The following CMYA5 variants were observed in gnomAD, a reference collection of about 807,000 sequenced individuals.
The protein encoded by CMYA5 is cardiomyopathy associated 5, also known as cardiomyopathy-associated protein 5.
Under a neutral mutation model 318.9 loss-of-function variants are expected in CMYA5, and 246 were observed. The ratio of observed to expected loss-of-function variants is 0.77; its 90% CI spans 0.70 to 0.86. The LOEUF (loss-of-function observed/expected upper bound fraction) is 0.86, where lower values mean the gene tolerates loss of function less well. CMYA5 is among the 40% of genes least tolerant of loss of function. The pLI, the probability that CMYA5 is intolerant of heterozygous loss-of-function variation, is 0.00. For missense variants in CMYA5, 4,589 were observed against 4,678.2 expected, an observed-to-expected ratio of 0.98 and a Z score of 0.56; for synonymous variants, 1,641 against 1,729.5, an observed-to-expected ratio of 0.95 and a Z score of 1.27.
rs755050712 is a variant in CMYA5 at position 79,738,343 on chromosome 5, A to G, written c.9578A>G (p.Tyr3193Cys). 6 of 1,613,666 alleles carry G rather than the reference A, an allele frequency of 3.7e-6. No individual in the cohort carries two copies. Among genetic ancestry groups the G allele is most frequent in the Non-Finnish European group, 5.1e-6 (6 of 1,179,826 alleles). The change falls in exon 2 of 13, where the codon TAT becomes TGT. Residue 3193 changes from tyrosine (Y) to cysteine (C), a missense_variant. Around this residue, in one of 3 missense-constraint regions of CMYA5, gnomAD observed 2,431 missense variants for 2,495.1 expected, o/e 0.97. Transcript: ENST00000446378. ...GAGCCACCTGCACTTGCATTTTTAT[A>G]TAAGGATCTGTATGAAGAAGCAGTT... ...LEEPPALAFL[Y>C]KDLYEEAVGE...
chr5:79,750,045 A>G (rs1828402417), intron 5 of CMYA5, among the ~76,000 whole-genome samples: 2 of 151,700 alleles, frequency 1.3e-5, no homozygotes, highest in South Asian at 4.1e-4. Context: ...GTGTGATACC[A>G]TAAACCTTGA....
chr5:79,784,885 G>T (rs1041479981), intron 9 of CMYA5, among the ~76,000 whole-genome samples: 1 of 151,834 alleles, frequency 6.6e-6, no homozygotes, highest in Non-Finnish European at 1.5e-5. Context: ...CTTCTGCGTC[G>T]CTCACGCTGG....
chr5:79,705,284 A>T (rs1053505199), intron 1 of CMYA5, among the ~76,000 whole-genome samples: 1 of 151,198 alleles, frequency 6.6e-6, no homozygotes, highest in African/African-American at 2.4e-5. Flanking sequence ...ATAAATAAAT[A>T]AAATAAAATA....
Position 79,775,609 on chromosome 5 carries a change from AAGAG to A in CMYA5, c.11555+12404_11555+12407del, listed in dbSNP as rs559577145. ...TTTTTAAAAGGAAGCACATTTCACT[AAGAG>A]AGACAATTATATTTCTTGACATTCA... On this transcript the variant is annotated intron_variant, in intron 9 of 12. Coordinates refer to ENST00000446378, the MANE Select transcript of CMYA5 (RefSeq NM_153610.5). 1.2e-3 allele frequency among the ~76,000 whole-genome samples: 188 copies of A among 152,326 alleles called. 1 individual carries two copies. In the South Asian group the frequency reaches 0.02, roughly 16 times the overall value.
At chr5:79,761,520 C>T (rs866867415) in intron 7 of CMYA5, among the ~76,000 whole-genome samples, 21 of 152,272 alleles carry the variant, frequency 1.4e-4, no homozygotes, top group African/African-American at 5.1e-4. Flanking sequence ...TTAATATTCG[C>T]TACTGAAATA....
At chr5:79,747,487 G>T (rs1828350755) in intron 5 of CMYA5, among the ~76,000 whole-genome samples, 1 of 152,140 alleles carries the variant, frequency 6.6e-6, no homozygotes. Context: ...GTAATTTTAT[G>T]ATTTATGTAA....
intron 9 of CMYA5, 79 bp from the exon 10 acceptor site, chr5:79,788,892 C>A: frequency 2.2e-6 from 3 of 1,375,702 alleles, no homozygotes; most frequent in Admixed American, 3.9e-5. Context: ...AAAAGATGTT[C>A]ATTCACTACC....
chr5:79,760,161 C>G (rs550958743), intron 7 of CMYA5, among the ~76,000 whole-genome samples: 23 of 137,056 alleles, frequency 1.7e-4, no homozygotes, highest in African/African-American at 6.1e-4. Context: ...TGAGACCCTT[C>G]TTATCAAATA....
chr5:79,787,606 C>A (rs1829103666), intron 9 of CMYA5, among the ~76,000 whole-genome samples: 1 of 152,208 alleles, frequency 6.6e-6, no homozygotes, highest in African/African-American at 2.4e-5. Context: ...AGGGCCTGGT[C>A]AGGTGATCAG....
chr5:79,714,930 A>G (rs1330721337), intron 1 of CMYA5, among the ~76,000 whole-genome samples: 1 of 152,146 alleles, frequency 6.6e-6, no homozygotes, highest in Non-Finnish European at 1.5e-5. Context: ...AATTCTTATT[A>G]TTTATTTTGC....
At chr5:79,787,665 C>G (rs1829104631) in intron 9 of CMYA5, among the ~76,000 whole-genome samples, 2 of 152,274 alleles carry the variant, frequency 1.3e-5, no homozygotes, top group South Asian at 2.1e-4. Flanking sequence ...CTGACCTTTT[C>G]CAGACATTGG....
chr5:79,760,715 T>C (rs1208502656), intron 7 of CMYA5, among the ~76,000 whole-genome samples: 2 of 152,178 alleles, frequency 1.3e-5, no homozygotes, highest in Admixed American at 1.3e-4. Context: ...CACTGGGAAT[T>C]ACAATTCAAC....
At chr5:79,755,194 C>T (rs1828503284) in intron 6 of CMYA5, among the ~76,000 whole-genome samples, 3 of 152,122 alleles carry the variant, frequency 2.0e-5, no homozygotes, top group Admixed American at 2.0e-4. Flanking sequence ...TTTTTGGGCA[C>T]ATTTCATCAG....
intron 2 of CMYA5, among the ~76,000 whole-genome samples, chr5:79,742,252 T>C (rs373962166): frequency 6.6e-5 from 10 of 151,136 alleles, no homozygotes; most frequent in South Asian, 2.1e-4. Flanking sequence ...TGCAGCGGCG[T>C]GATCATCATA....
intron 1 of CMYA5, among the ~76,000 whole-genome samples, chr5:79,701,812 C>A (rs1226744507): frequency 3.3e-5 from 5 of 152,118 alleles, no homozygotes; most frequent in African/African-American, 9.7e-5. Flanking sequence ...ATGGAAACAA[C>A]CCAAATGTCC....
In CMYA5 at chr5:79,732,749, A is replaced by T. The variant is rs79890620; in HGVS notation, c.3984A>T (p.Glu1328Asp). 2.3e-5 allele frequency: 37 copies of T among 1,613,774 alleles called. No individual in the cohort carries two copies. In the African/African-American group the frequency reaches 4.7e-4, roughly 20 times the overall value. Residue 1328 changes from glutamate to aspartate, a missense_variant, in exon 2 of 13, where the codon GAA (glutamate) becomes GAT (aspartate). Physicochemically the swap from Glu to Asp is conservative, Grantham distance 45. This residue lies in a region of CMYA5 where 2,132 missense variants were observed against 2,131.3 expected (regional missense o/e 1.00). Transcript: ENST00000446378. The stretch of plus-strand genomic sequence containing the variant: ...CCTCAGGAGTGGAAAAGCAAGTTGA[A>T]CATGGTCCACCTGCACTAGCATTTT... Reference protein sequence around the residue: ...SASSGVEKQVEHGPPALAFSA... With the variant: ...SASSGVEKQVDHGPPALAFSA...
Position 79,756,275 on chromosome 5 carries a change from C to T in CMYA5, c.11111-2478C>T, listed in dbSNP as rs138248412. ...GCGGCCTCTGCCTTAGCATGCAGTT[C>T]GCTCCTCAGGTCTTACCTCTGTGGC... is the stretch of plus-strand genomic sequence containing the variant. On this transcript the variant is annotated intron_variant, in intron 6 of 12. Transcript: ENST00000446378. Among the ~76,000 whole-genome samples, 761 of 152,228 alleles carry T rather than the reference C, an allele frequency of 5.0e-3. 7 individuals carry two copies. The highest frequency in any genetic ancestry group is 0.016 in the African/African-American group (664 of 41,526).
At chr5:79,698,719 G>A (rs1221547401) in intron 1 of CMYA5, among the ~76,000 whole-genome samples, 2 of 152,082 alleles carry the variant, frequency 1.3e-5, no homozygotes, top group Non-Finnish European at 2.9e-5. Context: ...TTCACATTGC[G>A]CTTCATAGCA....
rs1337448723 is a variant in CMYA5 at position 79,691,813 on chromosome 5, G to A, written c.149+1757G>A. ...CTGAGAACATGTGGCCAAGGTGGTT[G>A]GGGGACAGCTTAATTTTACACATTT... On this transcript the variant is annotated intron_variant, in intron 1 of 12. Transcript: ENST00000446378. Among the ~76,000 whole-genome samples, 6 of 152,198 alleles carry A rather than the reference G, an allele frequency of 3.9e-5. No homozygotes were observed. In the East Asian group the frequency reaches 1.2e-3, roughly 29 times the overall value.
Sources: allele counts gnomAD v4.1 joint callset (sites outside exome capture counted in the v4.1 genomes callset), GRCh38; gene constraint gnomAD v4.1.1; regional missense constraint gnomAD v4.1.1; transcripts MANE v1.5; gene names NCBI Gene and HGNC (gene_info 2026-07-23, HGNC 2026-07-21).